Variants in TLN1 observed in about 807,000 individuals in gnomAD.
TLN1 encodes the protein talin-1.
Under a neutral mutation model 292.3 loss-of-function variants are expected in TLN1, and 56 were observed. The ratio of observed to expected loss-of-function variants is 0.19; its 90% CI spans 0.15 to 0.24. TLN1 has a LOEUF of 0.24. TLN1 is among the 10% of genes least tolerant of loss of function. The pLI is 1.00. For missense variants in TLN1, 2,433 were observed against 3,248.2 expected (o/e 0.75, Z 6.10); for synonymous variants, 1,119 against 1,253.7 (o/e 0.89, Z 2.27).
Position 35,706,694 on chromosome 9 carries a change from T to A in TLN1, c.5088+74A>T. 2 of 1,590,820 alleles carry A rather than the reference T, an allele frequency of 1.3e-6. No individual in the cohort carries two copies. The highest frequency in any genetic ancestry group is 1.7e-6 in the Non-Finnish European group (2 of 1,168,464). ...TTGATGTCCCTAAGAAGCCACTCCT[T>A]GATCCCCCAGCTTCTTTGAGTCTGA... On this transcript the variant is annotated intron_variant, in intron 38 of 56. Transcript: ENST00000314888. The surrounding 1 kb of genome is among the most constrained non-coding windows in gnomAD (Gnocchi z 4.2).
rs1171179735 is a variant in TLN1 at position 35,708,446 on chromosome 9, T to A, written c.4365A>T (p.Gln1455His). 6.2e-7 allele frequency: 1 copy of A among 1,603,076 alleles called. No individual in the cohort carries two copies. The highest frequency in any genetic ancestry group is 1.1e-5 in the South Asian group (1 of 90,034). ...GCTCCACTAGCCCTTGCTGTCCAGC[T>A]TGGCTATTGGGGTCAGAGACACCAA... Reference protein sequence around the residue: ...YLVGVSDPNSQAGQQGLVEPT... With the variant: ...YLVGVSDPNSHAGQQGLVEPT... Residue 1455 changes from glutamine (Q) to histidine (H), a missense_variant, in exon 34 of 57, where the codon CAA becomes CAT. Gln to His is a conservative substitution (Grantham distance 24). Around this residue, in one of 7 missense-constraint regions of TLN1, gnomAD observed 1,384 missense variants for 1,699.6 expected, o/e 0.81. Transcript: ENST00000314888.
intron 1 of TLN1, among the ~76,000 whole-genome samples, chr9:35,729,467 A>G (rs1014305853): frequency 6.6e-6 from 1 of 152,206 alleles, no homozygotes; most frequent in Non-Finnish European, 1.5e-5. Context: ...GGAGAGGGGT[A>G]TGAGGAATTT....
At chr9:35,722,287 G>T in intron 8 of TLN1, 64 bp from the exon 9 acceptor site, 1 of 1,366,102 alleles carries the variant, frequency 7.3e-7, no homozygotes, top group Non-Finnish European at 1.0e-6. Context: ...AATTAAGGTT[G>T]GATGCTAACT....
intron 25 of TLN1, among the ~76,000 whole-genome samples, chr9:35,713,747 G>A (rs1186760560): frequency 6.8e-6 from 1 of 146,714 alleles, no homozygotes; most frequent in Non-Finnish European, 1.5e-5. Flanking sequence ...AAGAGGAGAG[G>A]AAAGGAAGAA....
At chr9:35,721,606 G>T in intron 10 of TLN1, 42 bp downstream of exon 10, 1 of 1,593,654 alleles carries the variant, frequency 6.3e-7, no homozygotes, top group South Asian at 1.1e-5. Flanking sequence ...CCCCTTTAAT[G>T]AAACTCCCAA....
rs2131893392 is a variant in TLN1 at position 35,712,010 on chromosome 9, C to T, written c.3676G>A (p.Asp1226Asn). 3 of 1,613,824 alleles carry T rather than the reference C, an allele frequency of 1.9e-6. No individual in the cohort carries two copies. The highest frequency in any genetic ancestry group is 2.5e-6 in the Non-Finnish European group (3 of 1,179,968). Residue 1226 changes from aspartate to asparagine, a missense_variant, in exon 28 of 57, where the codon GAC becomes AAC. Asp to Asn is a conservative substitution (Grantham distance 23). Transcript: ENST00000314888. ...VGDASKRLLS[D>N]SLPPSTGTFQ... ...ACCCCCTACCGTCCTCCTACCGAGT[C>T]ACTCAGGAGTCGCTTGCTGGCATCT...
At position 35,698,792 on chromosome 9, in the gene TLN1, G is replaced by A. The variant is rs762403907; in HGVS notation, c.7125+16C>T. 14 of 1,613,848 alleles carry A rather than the reference G, an allele frequency of 8.7e-6. No individual in the cohort carries two copies. The South Asian group carries it at 1.5e-4, about 18-fold the overall frequency. ...TGCCAACCTGTCCCCATTCTTCTGGGTATTTAAGCACTCACCTTCCCTTGG... is the reference window on the plus strand; with the variant it reads ...TGCCAACCTGTCCCCATTCTTCTGGATATTTAAGCACTCACCTTCCCTTGG... On this transcript the variant is annotated intron_variant, in intron 53 of 56. Transcript: ENST00000314888. This position sits in a 1 kb window ranked among gnomAD's most constrained non-coding sequence, Gnocchi z 5.3.
chr9:35,705,445 T>C (rs1825547022), intron 43 of TLN1, 106 bp downstream of exon 43: 1 of 1,209,078 alleles, frequency 8.3e-7, no homozygotes, highest in Middle Eastern at 2.9e-4. Context: ...CTGAGGCTGT[T>C]CCCCTTTCTA....
In TLN1 at chr9:35,703,694, G is replaced by A; in HGVS notation, c.6358-18C>T. The A allele has an allele frequency of 6.2e-7, 1 of 1,614,180 alleles. No individual in the cohort carries two copies. Among genetic ancestry groups the A allele is most frequent in the Non-Finnish European group, 8.5e-7 (1 of 1,180,020 alleles). On this transcript the variant is annotated intron_variant, in intron 47 of 56. Coordinates refer to ENST00000314888, the MANE Select transcript of TLN1 (RefSeq NM_006289.4). Reference sequence around the variant, plus strand: ...ACCATCACCTGGAGGTATCAGAGGAGTGAAGAGGAATGATTTTAAGGAACA... The same window carrying A: ...ACCATCACCTGGAGGTATCAGAGGAATGAAGAGGAATGATTTTAAGGAACA...
At position 35,711,319 on chromosome 9, in the gene TLN1, C is replaced by T. The variant is rs1371442368; in HGVS notation, c.3955G>A (p.Ala1319Thr). Reference sequence around the variant, plus strand: ...GCAGGGTCCGTGGACAGGGCCTTGGCAGCCAGAAGAAGTTTGCTTGAAGAC... The same window carrying T: ...GCAGGGTCCGTGGACAGGGCCTTGGTAGCCAGAAGAAGTTTGCTTGAAGAC... ...SMSSSKLLLA[A>T]KALSTDPAAP... Residue 1319 changes from alanine (A) to threonine (T), a missense_variant, in exon 30 of 57, where the codon GCC becomes ACC. Transcript: ENST00000314888. The T allele has an allele frequency of 6.2e-7, 1 of 1,614,184 alleles. No homozygotes were observed. The highest frequency in any genetic ancestry group is 8.5e-7 in the Non-Finnish European group (1 of 1,180,032).
rs767562560 is a variant in TLN1 at position 35,707,137 on chromosome 9, C to A, written c.4890G>T (p.Trp1630Cys). ...TACGGGAGTGGCCGGCCAGCACCGACCAGCTCGGGGGGTCCCGGGGATTGA... is the reference window on the plus strand; with the variant it reads ...TACGGGAGTGGCCGGCCAGCACCGAACAGCTCGGGGGGTCCCGGGGATTGA... ...LAVNPRDPPSWSVLAGHSRTV... is the reference protein window; with the variant it reads ...LAVNPRDPPSCSVLAGHSRTV... Residue 1630 changes from tryptophan to cysteine, a missense_variant, in exon 37 of 57, where the codon TGG (tryptophan) becomes TGT (cysteine). By Grantham distance (215) the Trp-to-Cys change is radical. Coordinates refer to ENST00000314888, the MANE Select transcript of TLN1 (RefSeq NM_006289.4). This position sits in a 1 kb window ranked among gnomAD's most constrained non-coding sequence, Gnocchi z 5.6. 1 of 1,611,730 alleles carries A rather than the reference C, an allele frequency of 6.2e-7. No individual in the cohort carries two copies. Among genetic ancestry groups the A allele is most frequent in the Non-Finnish European group, 8.5e-7 (1 of 1,179,424 alleles).
chr9:35,730,376 A>G (rs1826052784), intron 1 of TLN1, among the ~76,000 whole-genome samples: 1 of 150,986 alleles, frequency 6.6e-6, no homozygotes, highest in South Asian at 2.1e-4. Context: ...TGGGCGTGGG[A>G]TCAGCAAGAC....
intron 28 of TLN1, 91 bp from the exon 29 acceptor site, chr9:35,711,883 C>A: frequency 6.3e-7 from 1 of 1,596,908 alleles, no homozygotes; most frequent in South Asian, 1.1e-5. Flanking sequence ...GGGCACATAG[C>A]CTGGGAGTAA....
intron 7 of TLN1, 40 bp downstream of exon 7, chr9:35,723,912 G>A (rs959221576): frequency 1.2e-6 from 2 of 1,610,380 alleles, no homozygotes; most frequent in Non-Finnish European, 1.7e-6. Flanking sequence ...ATGGCAGGGA[G>A]TCCTGGGCCC....
rs932579240 is a variant in TLN1 at position 35,700,432 on chromosome 9, G to T, written c.6475-56C>A. ...ACAGTGGCTGAGACTATGAGACAGCGTAGAACTCTGTGTGCATGTGATTTG... is the reference window on the plus strand; with the variant it reads ...ACAGTGGCTGAGACTATGAGACAGCTTAGAACTCTGTGTGCATGTGATTTG... On this transcript the variant is annotated intron_variant, in intron 48 of 56. Coordinates refer to ENST00000314888, the MANE Select transcript of TLN1 (RefSeq NM_006289.4). The T allele has an allele frequency of 2.6e-6, 4 of 1,518,512 alleles. No individual in the cohort carries two copies. In the East Asian group the frequency reaches 6.9e-5, roughly 26 times the overall value. 94.1% of individuals were successfully genotyped at this position (1,518,512 alleles called of 1,614,324 possible).
chr9:35,713,875 G>A, intron 25 of TLN1, 78 bp downstream of exon 25: 1 of 1,496,340 alleles, frequency 6.7e-7, no homozygotes, highest in Admixed American at 2.0e-5. Context: ...GGAAGGAAAG[G>A]TTTTGAGCAG....
chr9:35,701,118 CA>C (rs1825459008), intron 48 of TLN1, among the ~76,000 whole-genome samples: 1 of 152,010 alleles, frequency 6.6e-6, no homozygotes, highest in African/African-American at 2.4e-5. Flanking sequence ...GCACAGTGTT[CA>C]AAAAGCTGGA....
chr9:35,712,973 C>T lies in TLN1; in HGVS notation c.3423G>A (p.Leu1141=). 1 of 1,610,568 alleles carries T rather than the reference C, an allele frequency of 6.2e-7. No individual in the cohort carries two copies. The highest frequency in any genetic ancestry group is 1.1e-5 in the South Asian group (1 of 90,456). The change falls in exon 27 of 57, where the codon CTG becomes CTA. Residue 1141 remains leucine, a synonymous_variant. Coordinates refer to ENST00000314888, the MANE Select transcript of TLN1 (RefSeq NM_006289.4). ...TGGCCTGCACTGCAGGATCTGACGTCAGTGCAGCGACTCCCCTAGCGGCCT... is the reference window on the plus strand; with the variant it reads ...TGGCCTGCACTGCAGGATCTGACGTTAGTGCAGCGACTCCCCTAGCGGCCT... ...LAQAARGVAA[L]TSDPAVQAIV...
chr9:35,706,533 G>C lies in TLN1; in HGVS notation c.5107C>G (p.Leu1703Val). 2 of 1,614,046 alleles carry C rather than the reference G, an allele frequency of 1.2e-6. No individual in the cohort carries two copies. Among genetic ancestry groups the C allele is most frequent in the Non-Finnish European group, 1.7e-6 (2 of 1,179,984 alleles). The change falls in exon 39 of 57, where the codon CTC (leucine) becomes GTC (valine). Residue 1703 changes from leucine (L) to valine (V), a missense_variant. Leu to Val is a conservative substitution (Grantham distance 32). Around this residue, in one of 7 missense-constraint regions of TLN1, gnomAD observed 1,384 missense variants for 1,699.6 expected, o/e 0.81. Transcript: ENST00000314888. The surrounding 1 kb of genome is among the most constrained non-coding windows in gnomAD (Gnocchi z 4.2). ...ISQEALHTQM[L>V]TAVQEISHLI... The stretch of plus-strand genomic sequence containing the variant: ...TGGGAGATCTCTTGGACTGCAGTGA[G>C]CATCTGAGTGTGCAAGGCCTGGGGA...
Sources: allele counts gnomAD v4.1 joint callset (sites outside exome capture counted in the v4.1 genomes callset), GRCh38; gene constraint gnomAD v4.1.1; regional missense constraint gnomAD v4.1.1; non-coding constraint Gnocchi (gnomAD v3.1); transcripts MANE v1.5; gene names NCBI Gene and HGNC (gene_info 2026-07-23, HGNC 2026-07-21).